Variants in MIPOL1 observed in about 807,000 individuals in gnomAD.
The protein encoded by MIPOL1 is mirror-image polydactyly 1, also known as mirror-image polydactyly gene 1 protein.
In MIPOL1, 57 loss-of-function variants were observed where a neutral mutation model predicts 60.9. The ratio of observed to expected loss-of-function variants is 0.94; its 90% CI spans 0.76 to 1.17. The LOEUF is 1.17. Ranked by LOEUF, MIPOL1 falls within the 50% of genes most tolerant of loss-of-function variation. MIPOL1 has a pLI of 0.00. For missense variants in MIPOL1, 551 were observed against 511.6 expected (o/e 1.08, Z -0.74); for synonymous variants, 179 against 168.8 (o/e 1.06, Z -0.47).
intron 9 of MIPOL1, among the ~76,000 whole-genome samples, chr14:37,360,716 T>C (rs1198759651): frequency 6.6e-6 from 1 of 151,686 alleles, no homozygotes. Context: ...CTTTTGTTCT[T>C]TATTGGTCTT....
At chr14:37,295,895 C>T (rs1480815550) in intron 7 of MIPOL1, among the ~76,000 whole-genome samples, 4 of 151,988 alleles carry the variant, frequency 2.6e-5, no homozygotes, top group Admixed American at 6.6e-5. Context: ...GACAGATCAA[C>T]GAGACAGAAA....
In MIPOL1 at chr14:37,287,907, G is replaced by T. The variant is rs534879567; in HGVS notation, c.623+2460G>T. On this transcript the variant is annotated intron_variant, in intron 7 of 12. Transcript: ENST00000684589. ...GCCTCCCAAAGTGTTAGAATTACAG[G>T]TGTGAGCCACCAGGCCTGGTCAGAA... Among the ~76,000 whole-genome samples, 9 of 152,148 alleles carry T rather than the reference G, an allele frequency of 5.9e-5. No homozygotes were observed. The South Asian group carries it at 1.9e-3, about 32-fold the overall frequency.
chr14:37,454,202 C>T (rs1247364059), intron 11 of MIPOL1, among the ~76,000 whole-genome samples: 1 of 152,150 alleles, frequency 6.6e-6, no homozygotes, highest in Non-Finnish European at 1.5e-5. Flanking sequence ...CCTGTGTGCC[C>T]TCTGACCAGA....
intron 10 of MIPOL1, among the ~76,000 whole-genome samples, chr14:37,390,146 G>A (rs1018779831): frequency 6.6e-6 from 1 of 152,006 alleles, no homozygotes; most frequent in African/African-American, 2.4e-5. Flanking sequence ...TTGAACCTAG[G>A]AGGTGGAGGT....
Position 37,548,576 on chromosome 14 carries a change from C to G in MIPOL1, c.*1605C>G, listed in dbSNP as rs2095554067. On this transcript the variant is annotated 3_prime_UTR_variant, in exon 13 of 13. Transcript: ENST00000684589. Reference sequence around the variant, plus strand: ...ATGCATGGAGTCTTGTCTCTGGGCTCTATTTGAAACGTGTAACAGCTCCCT... The same window carrying G: ...ATGCATGGAGTCTTGTCTCTGGGCTGTATTTGAAACGTGTAACAGCTCCCT... 6.6e-6 allele frequency: 1 copy of G among 151,858 alleles called. No individual in the cohort carries two copies. The highest frequency in any genetic ancestry group is 6.6e-5 in the Admixed American group (1 of 15,242). The allele number at this position is 151,858 out of a possible 1,614,324, so 9.4% of individuals were successfully genotyped here. A position where few individuals can be genotyped will look rare whatever the true frequency, so the allele number is the denominator to read the frequency against.
chr14:37,489,288 T>C (rs1245105962), intron 11 of MIPOL1, among the ~76,000 whole-genome samples: 1 of 152,178 alleles, frequency 6.6e-6, no homozygotes, highest in African/African-American at 2.4e-5. Context: ...TGCTGTGTTT[T>C]TCAGCTTCAT....
chr14:37,510,829 C>G (rs918484199), intron 12 of MIPOL1, among the ~76,000 whole-genome samples: 1 of 152,134 alleles, frequency 6.6e-6, no homozygotes, highest in Non-Finnish European at 1.5e-5. Flanking sequence ...TTTCTTCCAA[C>G]CCAGAGCCCA....
At chr14:37,266,762 A>T (rs908948590) in intron 3 of MIPOL1, among the ~76,000 whole-genome samples, 176 bp from the exon 4 acceptor site, 2 of 152,202 alleles carry the variant, frequency 1.3e-5, no homozygotes, top group African/African-American at 2.4e-5. Flanking sequence ...ATTTGAGACC[A>T]AATTTACCAT....
intron 11 of MIPOL1, among the ~76,000 whole-genome samples, chr14:37,446,936 A>C (rs1281113596): frequency 1.4e-5 from 2 of 140,982 alleles, no homozygotes; most frequent in Non-Finnish European, 3.1e-5. Context: ...GGGTGGGGGG[A>C]GTGGGGAGGG....
At chr14:37,389,736 G>T (rs2093180190) in intron 10 of MIPOL1, among the ~76,000 whole-genome samples, 1 of 150,600 alleles carries the variant, frequency 6.6e-6, no homozygotes, top group Non-Finnish European at 1.5e-5. Flanking sequence ...TACTCATGGA[G>T]AGCCATTGTC....
intron 6 of MIPOL1, among the ~76,000 whole-genome samples, chr14:37,272,074 G>C (rs2083336563): frequency 6.6e-6 from 1 of 150,960 alleles, no homozygotes; most frequent in African/African-American, 2.4e-5. Flanking sequence ...TGATTACTTT[G>C]TTATATTTCT....
rs145622739 is a variant in MIPOL1, at chr14:37,253,372, T to C, written c.19+5465T>C. Among the ~76,000 whole-genome samples the C allele has an allele frequency of 3.1e-3, 472 of 151,876 alleles. 2 individuals are homozygous for C. Among genetic ancestry groups the C allele is most frequent in the African/African-American group, 0.01 (432 of 41,524 alleles). On this transcript the variant is annotated intron_variant, in intron 3 of 12. Transcript: ENST00000684589. ...TAGAGAGATAATCTATTTAGGACCA[T>C]TGCGAAGATGAGGAATGCTATATGT...
At chr14:37,418,418 A>G (rs550324818) in intron 10 of MIPOL1, among the ~76,000 whole-genome samples, 4 of 152,178 alleles carry the variant, frequency 2.6e-5, no homozygotes, top group Admixed American at 6.5e-5. Context: ...ATAGGTAACT[A>G]TAAGACTAAC....
intron 12 of MIPOL1, among the ~76,000 whole-genome samples, chr14:37,513,262 G>T (rs1302462389): frequency 6.6e-6 from 1 of 151,974 alleles, no homozygotes; most frequent in Admixed American, 6.6e-5. Context: ...TGTTAAACAA[G>T]CATTTCATTA....
Position 37,500,062 on chromosome 14 carries a change from A to T in MIPOL1, c.1186A>T (p.Thr396Ser). 5.0e-6 allele frequency: 8 copies of T among 1,614,002 alleles called. No homozygotes were observed. The highest frequency in any genetic ancestry group is 6.8e-6 in the Non-Finnish European group (8 of 1,179,896). ...GGCTACTCAACTGCAACAAGCTCTG[A>T]CAGAGCGAGCAAATATGGAATTACA... Reference protein sequence around the residue: ...ELATQLQQALTERANMELQLQ... With the variant: ...ELATQLQQALSERANMELQLQ... The change falls in exon 12 of 13, where the codon ACA becomes TCA. Residue 396 changes from threonine (T) to serine (S), a missense_variant. Physicochemically the swap from Thr to Ser is moderately conservative, Grantham distance 58 (BLOSUM62 1). Coordinates refer to ENST00000684589, the MANE Select transcript of MIPOL1 (RefSeq NM_001388067.1).
At chr14:37,351,875 T>G (rs1322356018) in intron 9 of MIPOL1, among the ~76,000 whole-genome samples, 3 of 151,436 alleles carry the variant, frequency 2.0e-5, no homozygotes, top group Non-Finnish European at 2.9e-5. Context: ...TTCACTCTGA[T>G]GGTAGTTTCT....
chr14:37,342,583 A>G (rs1044346830), intron 9 of MIPOL1, among the ~76,000 whole-genome samples: 1 of 151,856 alleles, frequency 6.6e-6, no homozygotes, highest in Non-Finnish European at 1.5e-5. Flanking sequence ...TTTTTAGTAG[A>G]GACAGGGTTT....
At position 37,548,444 on chromosome 14, in the gene MIPOL1, CAG is replaced by C. The variant is rs1433289676; in HGVS notation, c.*1474_*1475del. The stretch of plus-strand genomic sequence containing the variant: ...ATGAGAATTAGAAAATAAGGGACAA[CAG>C]GGGTTAAAAATAAACTGATTTAATT... On this transcript the variant is annotated 3_prime_UTR_variant, in exon 13 of 13. Transcript: ENST00000684589. 2.0e-5 allele frequency: 3 copies of C among 151,884 alleles called. No homozygotes were observed. The highest frequency in any genetic ancestry group is 2.9e-5 in the Non-Finnish European group (2 of 67,852). 9.4% of individuals were successfully genotyped at this position (151,884 alleles called of 1,614,324 possible).
intron 9 of MIPOL1, among the ~76,000 whole-genome samples, chr14:37,348,862 C>CT (rs2091137333): frequency 7.3e-6 from 1 of 137,500 alleles, no homozygotes; most frequent in African/African-American, 2.9e-5. Flanking sequence ...GAGTCTCACT[C>CT]TGTCACCCGG....
Sources: gnomAD v4.1 joint callset for allele counts (sites outside exome capture counted in the v4.1 genomes callset) on GRCh38, gnomAD v4.1.1 for gene constraint, MANE v1.5 for transcripts, NCBI Gene and HGNC (gene_info 2026-07-23, HGNC 2026-07-21) for gene names.